The following DENND2B variants were observed in gnomAD, a reference collection of about 807,000 sequenced individuals.
DENND2B encodes DENN domain containing 2B.
Under a neutral mutation model 116.0 loss-of-function variants are expected in DENND2B, and 32 were observed. The ratio of observed to expected loss-of-function variants is 0.28; its 90% CI spans 0.21 to 0.37. The LOEUF is 0.37. Ranked by LOEUF, DENND2B falls within the 10% of genes least tolerant of loss-of-function variation. The pLI is 1.00. For synonymous variants in DENND2B, 588 were observed against 583.9 expected, an observed-to-expected ratio of 1.01 and a Z score of -0.10; for missense variants, 1,276 against 1,477.7, an observed-to-expected ratio of 0.86 and a Z score of 2.24.
chr11:8,762,284 T>A (rs575386001), intron 1 of DENND2B, among the ~76,000 whole-genome samples: 2 of 152,282 alleles, frequency 1.3e-5, no homozygotes, highest in African/African-American at 4.8e-5. Flanking sequence ...CACTGTCCGA[T>A]ACCATGTGCT....
chr11:8,701,350 G>T lies in DENND2B; in HGVS notation c.2720+1222C>A, dbSNP rs543115079. Among the ~76,000 whole-genome samples, 47 of 60,520 alleles carry T rather than the reference G, an allele frequency of 7.8e-4. 7 individuals are homozygous for T. The highest frequency in any genetic ancestry group is 2.7e-3 in the African/African-American group (38 of 13,868). 39.7% of individuals were successfully genotyped at this position (60,520 alleles called of 152,430 possible). ...GGATGGGAAGGCCAGCTTCCGGGGGGGGGGGGGGGAGGGGCTACATGAATG... is the reference window on the plus strand; with the variant it reads ...GGATGGGAAGGCCAGCTTCCGGGGGTGGGGGGGGGAGGGGCTACATGAATG... On this transcript the variant is annotated intron_variant, in intron 14 of 19. Transcript: ENST00000313726.
At chr11:8,735,463 C>A (rs1426039450) in intron 2 of DENND2B, among the ~76,000 whole-genome samples, 1 of 152,232 alleles carries the variant, frequency 6.6e-6, no homozygotes, top group African/African-American at 2.4e-5. Context: ...TGTGTTAAGC[C>A]ACTAAGTTTT....
At chr11:8,887,099 A>G (rs913555989) in intron 1 of DENND2B, among the ~76,000 whole-genome samples, 2 of 152,194 alleles carry the variant, frequency 1.3e-5, no homozygotes, top group Non-Finnish European at 2.9e-5. Flanking sequence ...AAGTGCTGGG[A>G]TTACAGCACG....
At chr11:8,699,851 A>G in intron 14 of DENND2B, 1 of 456,612 alleles carries the variant, frequency 2.2e-6, no homozygotes. Flanking sequence ...AGCTGGCTGG[A>G]CCTACCCCTC....
intron 2 of DENND2B, among the ~76,000 whole-genome samples, chr11:8,859,814 G>T (rs915946700): frequency 5.9e-5 from 9 of 152,092 alleles, no homozygotes; most frequent in Non-Finnish European, 2.9e-5. Flanking sequence ...GACCAAAGAA[G>T]TTACACCATC....
At chr11:8,758,674 T>C (rs1041371493) in intron 1 of DENND2B, among the ~76,000 whole-genome samples, 7 of 152,162 alleles carry the variant, frequency 4.6e-5, no homozygotes, top group African/African-American at 1.7e-4. Context: ...AAATTTACCA[T>C]CACTGTGTGC....
intron 2 of DENND2B, among the ~76,000 whole-genome samples, chr11:8,867,573 C>CTTTTTTTTTTTTTT (rs33990941): frequency 1.1e-5 from 1 of 89,230 alleles, no homozygotes; most frequent in African/African-American, 4.3e-5. Context: ...TAAAATTCAG[C>CTTTTTTTTTTTTTT]TTTTTTTTTT....
chr11:8,856,481 C>T (rs1356940870), intron 3 of DENND2B, among the ~76,000 whole-genome samples: 1 of 152,206 alleles, frequency 6.6e-6, no homozygotes, highest in African/African-American at 2.4e-5. Context: ...TGGTTGAAAA[C>T]ATATGTGGAC....
At chr11:8,762,332 C>T (rs74053170) in intron 1 of DENND2B, among the ~76,000 whole-genome samples, 2,832 of 152,296 alleles carry the variant, frequency 0.019, 88 homozygotes, top group African/African-American at 0.065. Flanking sequence ...AGGGCCTTCA[C>T]ACCTGCTGTA....
At chr11:8,711,829 T>G (rs1358205829) in intron 9 of DENND2B, 2 of 330,180 alleles carry the variant, frequency 6.1e-6, no homozygotes, top group Non-Finnish European at 1.2e-5. Flanking sequence ...ATAGCGCCAT[T>G]GCACTCCAGC....
At chr11:8,875,030 T>G (rs2063827369), upstream of DENND2B, among the ~76,000 whole-genome samples, 1 of 152,058 alleles carries the variant, frequency 6.6e-6, no homozygotes. Flanking sequence ...CTAGATGACT[T>G]TAAGTGTTCT....
At chr11:8,856,097 T>C (rs2063184831) in intron 3 of DENND2B, among the ~76,000 whole-genome samples, 1 of 152,222 alleles carries the variant, frequency 6.6e-6, no homozygotes. Flanking sequence ...TGGACCAAGC[T>C]GTATAACGTT....
chr11:8,825,235 T>C (rs1023067831), intron 4 of DENND2B, among the ~76,000 whole-genome samples: 4 of 152,244 alleles, frequency 2.6e-5, no homozygotes, highest in Non-Finnish European at 4.4e-5. Flanking sequence ...TGTGAGATGG[T>C]ATCTCATTGT....
chr11:8,899,882 C>T lies in DENND2B; in HGVS notation c.-256+10939G>A, dbSNP rs191005586. ...AGCATATAAAGCAATAATTGTAACACTGTCTTGTTGGATCTGTAACATATA... is the reference window on the plus strand; with the variant it reads ...AGCATATAAAGCAATAATTGTAACATTGTCTTGTTGGATCTGTAACATATA... On this transcript the variant is annotated intron_variant, in intron 1 of 22. Transcript: ENST00000534127. 1.9e-3 allele frequency among the ~76,000 whole-genome samples: 291 copies of T among 152,266 alleles called. 5 individuals carry two copies. The highest frequency in any genetic ancestry group is 6.8e-3 in the African/African-American group (284 of 41,550).
intron 1 of DENND2B, among the ~76,000 whole-genome samples, chr11:8,899,478 G>T (rs930787932): frequency 6.6e-6 from 1 of 151,864 alleles, no homozygotes; most frequent in African/African-American, 2.4e-5. Context: ...CATTTACAAA[G>T]AAACCACAAT....
chr11:8,761,311 T>C lies in DENND2B; in HGVS notation c.-25-10586A>G, dbSNP rs145758064. ...GCTTATCCTAGCTCTGTCAAGACTA[T>C]GGCACCTACTCTGCCCAATATCTTG... is the stretch of plus-strand genomic sequence containing the variant. On this transcript the variant is annotated intron_variant, in intron 1 of 19. Coordinates refer to ENST00000313726, the MANE Select transcript of DENND2B (RefSeq NM_213618.2). Among the ~76,000 whole-genome samples the C allele has an allele frequency of 1.9e-4, 29 of 152,350 alleles. No homozygotes were observed. In the East Asian group the frequency reaches 4.8e-3, roughly 25 times the overall value.
intron 1 of DENND2B, among the ~76,000 whole-genome samples, chr11:8,779,259 C>G (rs927129821): frequency 5.3e-5 from 8 of 152,152 alleles, no homozygotes; most frequent in African/African-American, 1.9e-4. Flanking sequence ...AGACAGAAGA[C>G]TGTTTGAGAT....
At chr11:8,814,823 C>A (rs1191545600), upstream of DENND2B, among the ~76,000 whole-genome samples, 1 of 152,188 alleles carries the variant, frequency 6.6e-6, no homozygotes, top group Non-Finnish European at 1.5e-5. Context: ...ATGCATAAAA[C>A]CCCATTTCTT....
intron 4 of DENND2B, among the ~76,000 whole-genome samples, chr11:8,824,971 T>C (rs2061921846): frequency 6.6e-6 from 1 of 151,942 alleles, no homozygotes; most frequent in Non-Finnish European, 1.5e-5. Context: ...AGTGCTGGAA[T>C]TACAGGCATG....
Sources: gnomAD v4.1 joint callset for allele counts (sites outside exome capture counted in the v4.1 genomes callset) on GRCh38, gnomAD v4.1.1 for gene constraint, MANE v1.5 for transcripts, NCBI Gene and HGNC (gene_info 2026-07-23, HGNC 2026-07-21) for gene names.